BBS9: variants seen among roughly 807,000 people sequenced by gnomAD.
BBS9 encodes the protein protein PTHB1.
A neutral mutation model predicts 117.7 loss-of-function variants in BBS9; 89 were observed. The observed-to-expected ratio is 0.76, with a 90% CI of 0.64 to 0.90. The LOEUF is 0.90. Ranked by LOEUF, BBS9 falls within the 40% of genes least tolerant of loss-of-function variation. The pLI is 0.00. For synonymous variants in BBS9, 379 were observed against 370.9 expected (o/e 1.02, Z -0.25); for missense variants, 982 against 1,042.2 (o/e 0.94, Z 0.80).
intron 21 of BBS9, among the ~76,000 whole-genome samples, chr7:33,629,290 C>T (rs1865780426): frequency 6.6e-6 from 1 of 152,180 alleles, no homozygotes; most frequent in Non-Finnish European, 1.5e-5. Flanking sequence ...CATAATTGCT[C>T]TTAAATCCTG....
intron 21 of BBS9, among the ~76,000 whole-genome samples, chr7:33,631,991 G>T (rs932912719): frequency 6.6e-6 from 1 of 152,260 alleles, no homozygotes; most frequent in East Asian, 1.9e-4. Flanking sequence ...ATCACAGAAA[G>T]GTATTGTATT....
chr7:33,374,375 A>G (rs1823416020), intron 17 of BBS9, among the ~76,000 whole-genome samples: 1 of 152,212 alleles, frequency 6.6e-6, no homozygotes, highest in Admixed American at 6.5e-5. Flanking sequence ...CAAGTATAAT[A>G]ACCAAATCTA....
intron 9 of BBS9, among the ~76,000 whole-genome samples, chr7:33,302,912 C>T (rs958795739): frequency 2.0e-5 from 3 of 152,262 alleles, no homozygotes; most frequent in Non-Finnish European, 4.4e-5. Context: ...AATCCATGAA[C>T]ATGGAACATT....
At chr7:33,614,243 C>A (rs1447797557) in intron 21 of BBS9, among the ~76,000 whole-genome samples, 1 of 152,090 alleles carries the variant, frequency 6.6e-6, no homozygotes, top group East Asian at 1.9e-4. Context: ...CTTGAATAAT[C>A]CTATAACAAT....
chr7:33,303,893 A>G (rs554515090), intron 9 of BBS9, among the ~76,000 whole-genome samples: 24 of 152,212 alleles, frequency 1.6e-4, no homozygotes, highest in African/African-American at 5.5e-4. Context: ...TTGGCCTCCC[A>G]AAGTGCTAAG....
chr7:33,306,612 A>G (rs986547045), intron 9 of BBS9, among the ~76,000 whole-genome samples: 4 of 152,126 alleles, frequency 2.6e-5, no homozygotes, highest in African/African-American at 9.6e-5. Context: ...ATATTGTATG[A>G]TGGAAAGTAT....
intron 22 of BBS9, 26 bp downstream of exon 22, chr7:33,605,001 G>A: frequency 1.3e-6 from 2 of 1,565,172 alleles, no homozygotes; most frequent in Non-Finnish European, 1.8e-6. Flanking sequence ...GCCTTCACAA[G>A]CGTTAGTTAA....
chr7:33,391,046 A>G (rs1053714489), intron 19 of BBS9, among the ~76,000 whole-genome samples: 5 of 152,226 alleles, frequency 3.3e-5, no homozygotes, highest in African/African-American at 7.2e-5. Flanking sequence ...ACAAATCTTA[A>G]TAATAGTTTT....
intron 9 of BBS9, among the ~76,000 whole-genome samples, chr7:33,278,865 G>A (rs777543579): frequency 6.6e-6 from 1 of 152,190 alleles, no homozygotes; most frequent in African/African-American, 2.4e-5. Flanking sequence ...ACTGTCTGAC[G>A]AGTTCTTCCT....
intron 19 of BBS9, among the ~76,000 whole-genome samples, chr7:33,503,911 C>T (rs893768029): frequency 1.3e-5 from 2 of 152,088 alleles, no homozygotes; most frequent in South Asian, 2.1e-4. Context: ...TTCCAAGCTC[C>T]GTTTGAGTAA....
intron 21 of BBS9, among the ~76,000 whole-genome samples, chr7:33,548,260 G>A (rs1853738544): frequency 6.6e-6 from 1 of 152,118 alleles, no homozygotes; most frequent in African/African-American, 2.4e-5. Context: ...GCTTTTGAAA[G>A]ACATCACTAT....
chr7:33,265,905 T>A (rs1476425804), intron 7 of BBS9, among the ~76,000 whole-genome samples: 1 of 151,826 alleles, frequency 6.6e-6, no homozygotes, highest in Non-Finnish European at 1.5e-5. Flanking sequence ...GTATTGTATA[T>A]AATAAATATA....
intron 5 of BBS9, among the ~76,000 whole-genome samples, chr7:33,256,186 A>G (rs142811712): frequency 1.3e-5 from 2 of 151,962 alleles, no homozygotes; most frequent in African/African-American, 2.4e-5. Flanking sequence ...AACAAAAAAA[A>G]CCAAAACAAC....
intron 5 of BBS9, among the ~76,000 whole-genome samples, chr7:33,248,252 A>G (rs1228922404): frequency 1.3e-5 from 2 of 152,164 alleles, no homozygotes; most frequent in Admixed American, 6.5e-5. Flanking sequence ...TATGCATTCT[A>G]TTTATTCATT....
At chr7:33,334,009 G>A (rs181060346) in intron 9 of BBS9, among the ~76,000 whole-genome samples, 1 of 152,088 alleles carries the variant, frequency 6.6e-6, no homozygotes, top group African/African-American at 2.4e-5. Context: ...TGTTCTTTTG[G>A]TGAGGGAAGA....
intron 19 of BBS9, among the ~76,000 whole-genome samples, chr7:33,456,235 C>A (rs555425874): frequency 6.6e-6 from 1 of 152,240 alleles, no homozygotes; most frequent in East Asian, 1.9e-4. Context: ...AATTTGAAAT[C>A]CTTTAAACTG....
intron 4 of BBS9, among the ~76,000 whole-genome samples, chr7:33,173,298 T>C (rs1252445857): frequency 6.6e-6 from 1 of 152,118 alleles, no homozygotes; most frequent in Non-Finnish European, 1.5e-5. Context: ...TTGAAAAATT[T>C]GGCCGAGTGC....
At chr7:33,540,644 G>A (rs1396447757) in intron 21 of BBS9, among the ~76,000 whole-genome samples, 1 of 152,158 alleles carries the variant, frequency 6.6e-6, no homozygotes, top group Non-Finnish European at 1.5e-5. Context: ...TATCAGAAAT[G>A]GTGGTAAGGA....
intron 21 of BBS9, among the ~76,000 whole-genome samples, chr7:33,556,252 A>G (rs1855277357): frequency 6.6e-6 from 1 of 152,206 alleles, no homozygotes; most frequent in Non-Finnish European, 1.5e-5. Context: ...TTTGTTCTCT[A>G]TCTGGAACTA....
Sources: gnomAD v4.1 joint callset for allele counts (sites outside exome capture counted in the v4.1 genomes callset) on GRCh38, gnomAD v4.1.1 for gene constraint, MANE v1.5 for transcripts, NCBI Gene and HGNC (gene_info 2026-07-23, HGNC 2026-07-21) for gene names.